SLC24A2: variants seen among roughly 807,000 people sequenced by gnomAD.
SLC24A2 encodes the protein sodium/potassium/calcium exchanger 2.
Under a neutral mutation model 62.0 loss-of-function variants are expected in SLC24A2, and 36 were observed. That is an observed-to-expected ratio of 0.58 (90% CI 0.44 to 0.77). The LOEUF is 0.77. Ranked by LOEUF, SLC24A2 falls within the 30% of genes least tolerant of loss-of-function variation. SLC24A2 has a pLI of 0.00. For missense variants in SLC24A2, 846 were observed against 817.9 expected, an observed-to-expected ratio of 1.03 and a Z score of -0.42; for synonymous variants, 358 against 294.0, an observed-to-expected ratio of 1.22 and a Z score of -2.23.
chr9:19,628,679 T>C (rs1412986360), intron 2 of SLC24A2, among the ~76,000 whole-genome samples: 1 of 152,198 alleles, frequency 6.6e-6, no homozygotes, highest in East Asian at 1.9e-4. Flanking sequence ...CAATCATCTA[T>C]TAAGTCCTGG....
chr9:19,672,062 G>C (rs1354140821), intron 2 of SLC24A2, among the ~76,000 whole-genome samples: 2 of 146,214 alleles, frequency 1.4e-5, no homozygotes, highest in Non-Finnish European at 3.0e-5. Flanking sequence ...GGTGATACCG[G>C]CTTCACAGAA....
intron 2 of SLC24A2, among the ~76,000 whole-genome samples, chr9:19,704,303 G>C (rs1181440343): frequency 6.6e-6 from 1 of 152,074 alleles, no homozygotes; most frequent in Non-Finnish European, 1.5e-5. Flanking sequence ...ATGAAATAGG[G>C]TGATTTCATA....
At chr9:19,947,592 C>A in the SLC24A2 span, among the ~76,000 whole-genome samples, 37,449 of 151,350 alleles carry the variant, frequency 0.25, 5,549 homozygotes, top group South Asian at 0.4. Context: ...AGATTGAGAC[C>A]ATCCTGGCTA....
chr9:19,703,654 G>C (rs932356852), intron 2 of SLC24A2, among the ~76,000 whole-genome samples: 1 of 152,178 alleles, frequency 6.6e-6, no homozygotes, highest in Admixed American at 6.5e-5. Context: ...GATAAAATTA[G>C]ATGAATTGAA....
chr9:20,107,007 G>C, the SLC24A2 span, among the ~76,000 whole-genome samples: 1 of 152,134 alleles, frequency 6.6e-6, no homozygotes, highest in Non-Finnish European at 1.5e-5. Context: ...AAAGTCTCAG[G>C]ATACAAAATC....
the SLC24A2 span, among the ~76,000 whole-genome samples, chr9:20,178,709 C>T: frequency 6.6e-6 from 1 of 152,148 alleles, no homozygotes; most frequent in African/African-American, 2.4e-5. Context: ...TGACCCCTGC[C>T]TCTACATTTT....
chr9:20,303,509 C>T, the SLC24A2 span, among the ~76,000 whole-genome samples: 8 of 152,290 alleles, frequency 5.3e-5, no homozygotes, highest in South Asian at 8.3e-4. Flanking sequence ...CTAGTTCCCA[C>T]GTTCTGACAG....
At chr9:20,108,520 C>A in the SLC24A2 span, among the ~76,000 whole-genome samples, 4 of 152,046 alleles carry the variant, frequency 2.6e-5, no homozygotes, top group East Asian at 3.9e-4. Context: ...ATGCAGCCAT[C>A]AACAATGATG....
At chr9:20,093,364 G>A in the SLC24A2 span, among the ~76,000 whole-genome samples, 3 of 151,828 alleles carry the variant, frequency 2.0e-5, no homozygotes, top group Non-Finnish European at 4.4e-5. Context: ...GAACCACCAC[G>A]CCCGGCCTAT....
At chr9:20,301,318 A>AT in the SLC24A2 span, among the ~76,000 whole-genome samples, 20 of 151,618 alleles carry the variant, frequency 1.3e-4, no homozygotes, top group South Asian at 1.3e-3. Flanking sequence ...TGGGGAGTAC[A>AT]TTTTTTTTTC....
At chr9:20,073,598 T>G in the SLC24A2 span, among the ~76,000 whole-genome samples, 1 of 152,046 alleles carries the variant, frequency 6.6e-6, no homozygotes, top group African/African-American at 2.4e-5. Flanking sequence ...TAAAATGTCA[T>G]TTATTATATG....
chr9:20,182,530 C>T, the SLC24A2 span, among the ~76,000 whole-genome samples: 6 of 152,272 alleles, frequency 3.9e-5, no homozygotes, highest in South Asian at 1.2e-3. Context: ...CAAACTATCA[C>T]AAGGACAGGA....
At chr9:20,242,049 C>T in the SLC24A2 span, among the ~76,000 whole-genome samples, 43 of 152,200 alleles carry the variant, frequency 2.8e-4, no homozygotes, top group Non-Finnish European at 1.6e-4. Flanking sequence ...ATCATCCTCT[C>T]CACCATGCCC....
At chr9:19,607,410 A>T (rs1837015572) in intron 4 of SLC24A2, among the ~76,000 whole-genome samples, 1 of 152,134 alleles carries the variant, frequency 6.6e-6, no homozygotes, top group South Asian at 2.1e-4. Context: ...TTGAGCTCAA[A>T]TGCCATCAAA....
At chr9:19,566,010 C>T (rs1038233094) in intron 7 of SLC24A2, among the ~76,000 whole-genome samples, 1 of 152,040 alleles carries the variant, frequency 6.6e-6, no homozygotes, top group African/African-American at 2.4e-5. Context: ...ACCATAAAAA[C>T]CCTGGAAGAA....
the SLC24A2 span, among the ~76,000 whole-genome samples, chr9:19,843,804 C>G: frequency 2.0e-5 from 3 of 152,080 alleles, no homozygotes; most frequent in African/African-American, 7.2e-5. Flanking sequence ...TATTAATTTG[C>G]TTAGGATAAT....
chr9:19,941,590 T>TGTGTGAGAGA, the SLC24A2 span, among the ~76,000 whole-genome samples: 370 of 127,980 alleles, frequency 2.9e-3, 2 homozygotes, highest in African/African-American at 4.7e-3. Context: ...TGTGTGTGTG[T>TGTGTGAGAGA]GAGAGAGAGA....
At chr9:20,211,452 C>G in the SLC24A2 span, among the ~76,000 whole-genome samples, 1 of 152,090 alleles carries the variant, frequency 6.6e-6, no homozygotes, top group Non-Finnish European at 1.5e-5. Context: ...GCAGAGGTTG[C>G]CGTGAGCTGA....
At chr9:19,981,031 A>G in the SLC24A2 span, among the ~76,000 whole-genome samples, 1 of 152,186 alleles carries the variant, frequency 6.6e-6, no homozygotes, top group Non-Finnish European at 1.5e-5. Context: ...CCCCTTTATA[A>G]TGAATGCACC....
Sources: allele counts gnomAD v4.1 joint callset (sites outside exome capture counted in the v4.1 genomes callset), GRCh38; gene constraint gnomAD v4.1.1; transcripts MANE v1.5; gene names NCBI Gene and HGNC (gene_info 2026-07-23, HGNC 2026-07-21).